The following RUNX2 variants were observed in gnomAD, a reference collection of about 807,000 sequenced individuals.
RUNX2 encodes the protein runt-related transcription factor 2.
RUNX2 carries 10 observed loss-of-function variants against 51.7 expected under a neutral mutation model. The observed-to-expected ratio is 0.19, with a 90% CI of 0.12 to 0.33. The LOEUF (loss-of-function observed/expected upper bound fraction) is 0.33, where lower values mean the gene tolerates loss of function less well. Ranked by LOEUF, RUNX2 falls within the 10% of genes least tolerant of loss-of-function variation. The probability of loss-of-function intolerance (pLI) is 1.00; values close to 1 mark genes in which losing one functional copy is unlikely to be tolerated. For missense variants in RUNX2, 562 were observed against 691.3 expected (o/e 0.81, Z 2.10); for synonymous variants, 276 against 273.6 (o/e 1.01, Z -0.09).
At chr6:45,379,586 G>C (rs983640527) in intron 2 of RUNX2, among the ~76,000 whole-genome samples, 2 of 152,118 alleles carry the variant, frequency 1.3e-5, no homozygotes, top group African/African-American at 4.8e-5. Context: ...TCACACACAG[G>C]CCAGGCGCGG....
chr6:45,511,356 C>G (rs538074900), intron 6 of RUNX2, among the ~76,000 whole-genome samples: 1 of 152,170 alleles, frequency 6.6e-6, no homozygotes, highest in Non-Finnish European at 1.5e-5. Flanking sequence ...GTAGGTAACA[C>G]TAGGCCAAAT....
At chr6:45,537,802 C>T (rs542927440) in intron 7 of RUNX2, among the ~76,000 whole-genome samples, 10 of 152,250 alleles carry the variant, frequency 6.6e-5, no homozygotes, top group Admixed American at 2.0e-4. Context: ...CTGAAAGAAA[C>T]GCTGCGCAGA....
Position 45,445,410 on chromosome 6 carries a change from T to G in RUNX2, c.685+7359T>G, listed in dbSNP as rs552701178. Reference sequence around the variant, plus strand: ...ATGTTGGATAGAGGGACAGCAGATGTATTTTTTAAGATTATTTGATTCTTC... The same window carrying G: ...ATGTTGGATAGAGGGACAGCAGATGGATTTTTTAAGATTATTTGATTCTTC... On this transcript the variant is annotated intron_variant, in intron 5 of 8. Transcript: ENST00000647337. 5.9e-5 allele frequency among the ~76,000 whole-genome samples: 9 copies of G among 152,330 alleles called. No individual in the cohort carries two copies. The East Asian group carries it at 1.5e-3, about 26-fold the overall frequency.
At chr6:45,523,422 A>G (rs1032690529) in intron 7 of RUNX2, among the ~76,000 whole-genome samples, 1 of 151,860 alleles carries the variant, frequency 6.6e-6, no homozygotes, top group African/African-American at 2.4e-5. Flanking sequence ...ACCTGCCACG[A>G]TGCCTGGCTA....
intron 2 of RUNX2, chr6:45,365,345 ATAAG>A (rs766141328): frequency 3.9e-6 from 5 of 1,274,376 alleles, no homozygotes; most frequent in Non-Finnish European, 5.6e-6. Context: ...GTACCTAGCT[ATAAG>A]TAAATGCAAA....
intron 4 of RUNX2, 83 bp downstream of exon 4, chr6:45,432,102 T>G (rs753589216): frequency 2.9e-4 from 371 of 1,264,506 alleles, no homozygotes; most frequent in Non-Finnish European, 3.9e-4. Context: ...TGTATACAAA[T>G]CAGCACCTTC....
At chr6:45,328,492 A>T (rs377010342) in intron 1 of RUNX2, 32 bp downstream of exon 1, 47 of 1,515,354 alleles carry the variant, frequency 3.1e-5, no homozygotes, top group Non-Finnish European at 3.9e-5. Context: ...TCTATGCAGT[A>T]ATAGTAGGTC....
intron 2 of RUNX2, among the ~76,000 whole-genome samples, chr6:45,364,549 G>A (rs1317481369): frequency 9.5e-6 from 1 of 104,962 alleles, no homozygotes; most frequent in African/African-American, 6.5e-5. Context: ...AAACTACTAT[G>A]TGTCAACAGA....
chr6:45,514,029 C>T (rs1250282536), intron 7 of RUNX2, among the ~76,000 whole-genome samples: 1 of 152,168 alleles, frequency 6.6e-6, no homozygotes, highest in Non-Finnish European at 1.5e-5. Flanking sequence ...CTTATGCAAA[C>T]TTGCTTCTGT....
intron 5 of RUNX2, among the ~76,000 whole-genome samples, chr6:45,478,851 T>G (rs1800031605): frequency 6.6e-6 from 1 of 152,198 alleles, no homozygotes; most frequent in African/African-American, 2.4e-5. Flanking sequence ...TTTTGGGCAG[T>G]CATCAATTCC....
intron 5 of RUNX2, among the ~76,000 whole-genome samples, chr6:45,486,686 C>T (rs987129390): frequency 2.0e-4 from 31 of 152,154 alleles, no homozygotes; most frequent in African/African-American, 6.8e-4. Context: ...TGCATTTTGA[C>T]ATTCTTCAGG....
chr6:45,341,469 T>C (rs73735378), intron 2 of RUNX2, among the ~76,000 whole-genome samples: 23,352 of 152,136 alleles, frequency 0.15, 2,026 homozygotes, highest in East Asian at 0.26. Flanking sequence ...CTACATGAGG[T>C]AGGATCACAC....
chr6:45,485,137 A>G (rs985827761), intron 5 of RUNX2, among the ~76,000 whole-genome samples: 1 of 151,942 alleles, frequency 6.6e-6, no homozygotes. Flanking sequence ...ATGGACTGCC[A>G]AAGTATGGTT....
At chr6:45,361,565 A>T (rs573764484) in intron 2 of RUNX2, 34 of 152,356 alleles carry the variant, frequency 2.2e-4, no homozygotes, top group Admixed American at 1.4e-3. Context: ...TTCACTTTCA[A>T]ATTTACAGGC....
chr6:45,365,133 T>C, intron 2 of RUNX2: 1 of 908,414 alleles, frequency 1.1e-6, no homozygotes, highest in South Asian at 2.0e-5. Context: ...AATGTTGTTA[T>C]GTCTATTGTC....
chr6:45,478,813 T>G (rs1249097004), intron 5 of RUNX2, among the ~76,000 whole-genome samples: 1 of 152,220 alleles, frequency 6.6e-6, no homozygotes, highest in African/African-American at 2.4e-5. Flanking sequence ...ATGTCTCCTT[T>G]CAGTCACATG....
rs887021709 is a variant in RUNX2, at chr6:45,426,641, C to T, written c.423+3684C>T. Among the ~76,000 whole-genome samples the T allele has an allele frequency of 5.3e-5, 8 of 152,250 alleles. No homozygotes were observed. In the East Asian group the frequency reaches 1.4e-3, roughly 26 times the overall value. On this transcript the variant is annotated intron_variant, in intron 3 of 8. Coordinates refer to ENST00000647337, the MANE Select transcript of RUNX2 (RefSeq NM_001024630.4). ...CTGTTTTAAGTTAGAGAACACTGGA[C>T]TACATATATTTATCAGTATCATATG...
At chr6:45,432,056 G>C (rs761678181) in intron 4 of RUNX2, 37 bp downstream of exon 4, 1 of 1,596,454 alleles carries the variant, frequency 6.3e-7, no homozygotes, top group Non-Finnish European at 8.6e-7. Context: ...AATAGAATAA[G>C]CACATTAGGC....
intron 2 of RUNX2, among the ~76,000 whole-genome samples, chr6:45,337,830 G>A (rs945302129): frequency 4.6e-5 from 7 of 151,776 alleles, no homozygotes; most frequent in African/African-American, 1.2e-4. Context: ...TTCTTTTTGC[G>A]AAAACTCACT....
Sources: gnomAD v4.1 joint callset for allele counts (sites outside exome capture counted in the v4.1 genomes callset) on GRCh38, gnomAD v4.1.1 for gene constraint, MANE v1.5 for transcripts, NCBI Gene and HGNC (gene_info 2026-07-23, HGNC 2026-07-21) for gene names.